LNPEP: variants seen among roughly 807,000 people sequenced by gnomAD.
The protein encoded by LNPEP is leucyl and cystinyl aminopeptidase.
LNPEP carries 64 observed loss-of-function variants against 120.6 expected under a neutral mutation model. That is an observed-to-expected ratio of 0.53 (90% CI 0.43 to 0.65). LNPEP has a LOEUF of 0.65. Ranked by LOEUF, LNPEP falls within the 30% of genes least tolerant of loss-of-function variation. LNPEP has a pLI of 0.00. For synonymous variants in LNPEP, 435 were observed against 425.4 expected (o/e 1.02, Z -0.28); for missense variants, 1,057 against 1,200.0 (o/e 0.88, Z 1.76).
At chr5:96,950,183 C>G (rs1455214253) in intron 1 of LNPEP, among the ~76,000 whole-genome samples, 1 of 152,178 alleles carries the variant, frequency 6.6e-6, no homozygotes, top group Non-Finnish European at 1.5e-5. Flanking sequence ...GAAGGAGTCT[C>G]TTACTCTGAA....
chr5:96,978,567 A>G (rs182216175), intron 1 of LNPEP, among the ~76,000 whole-genome samples: 194 of 152,312 alleles, frequency 1.3e-3, no homozygotes, highest in African/African-American at 4.4e-3. Context: ...GCCATACTCA[A>G]TCTTAGAAAT....
At chr5:96,990,757 AT>A (rs1415113025) in intron 4 of LNPEP, among the ~76,000 whole-genome samples, 3 of 152,082 alleles carry the variant, frequency 2.0e-5, no homozygotes, top group African/African-American at 7.2e-5. Context: ...TATATATTTC[AT>A]TTTTTGTTCA....
intron 4 of LNPEP, among the ~76,000 whole-genome samples, 165 bp downstream of exon 4, chr5:96,986,835 T>C (rs866314881): frequency 7.9e-5 from 12 of 152,214 alleles, no homozygotes; most frequent in African/African-American, 2.4e-4. Context: ...TGTTATTTAC[T>C]GTTACTAGTT....
chr5:96,943,750 A>G (rs756464841), intron 1 of LNPEP, among the ~76,000 whole-genome samples: 13 of 152,230 alleles, frequency 8.5e-5, no homozygotes, highest in African/African-American at 2.4e-5. Context: ...CTTCCAAGGG[A>G]GTTTCAAAAA....
chr5:97,022,208 C>T (rs1196828884), intron 13 of LNPEP, 92 bp from the exon 14 acceptor site: 1 of 782,116 alleles, frequency 1.3e-6, no homozygotes, highest in African/African-American at 1.8e-5. Flanking sequence ...GGATTACAGG[C>T]ACGAGACACT....
chr5:96,991,902 G>A (rs1352118172), intron 4 of LNPEP, among the ~76,000 whole-genome samples: 1 of 152,100 alleles, frequency 6.6e-6, no homozygotes, highest in East Asian at 1.9e-4. Context: ...TCCAAATTAT[G>A]AATTGTTCAA....
At chr5:96,955,523 G>A (rs1238142253) in intron 1 of LNPEP, among the ~76,000 whole-genome samples, 1 of 152,176 alleles carries the variant, frequency 6.6e-6, no homozygotes. Flanking sequence ...GCTGAGTCAG[G>A]AGAATCACTT....
intron 1 of LNPEP, chr5:96,937,483 G>T (rs1046396): frequency 1.3e-5 from 2 of 151,658 alleles, no homozygotes; most frequent in Non-Finnish European, 2.9e-5. Context: ...GAAGTTACTC[G>T]AAGAATTAAG....
chr5:96,994,082 C>A, intron 6 of LNPEP, 111 bp downstream of exon 6: 1 of 821,258 alleles, frequency 1.2e-6, no homozygotes. Flanking sequence ...GCATTGCCTT[C>A]TTTTATAATA....
rs75552624 is a variant in LNPEP, at chr5:96,992,578, C to T, written c.1132-437C>T. Among the ~76,000 whole-genome samples, 1,385 of 152,134 alleles carry T rather than the reference C, an allele frequency of 9.1e-3. 29 individuals are homozygous for T. The highest frequency in any genetic ancestry group is 0.067 in the East Asian group (347 of 5,184). ...TTGAGTGCCTGCTAGATGCCAGGCA[C>T]GGTGAGGTCCTGAAAGGATGAAAAT... On this transcript the variant is annotated intron_variant, in intron 4 of 17. Coordinates refer to ENST00000231368, the MANE Select transcript of LNPEP (RefSeq NM_005575.3).
chr5:97,012,000 G>A (rs1305100384), intron 11 of LNPEP, among the ~76,000 whole-genome samples: 2 of 152,068 alleles, frequency 1.3e-5, no homozygotes, highest in African/African-American at 4.8e-5. Flanking sequence ...TAGTACCTAA[G>A]CTAAGGCTTC....
At position 96,978,497 on chromosome 5, in the gene LNPEP, T is replaced by C. The variant is rs934118252; in HGVS notation, c.20-641T>C. Reference sequence around the variant, plus strand: ...TCCCATATAATTTGCTGCTTCCCATTTGCTGTGGGACAGAAACATTCCTCT... The same window carrying C: ...TCCCATATAATTTGCTGCTTCCCATCTGCTGTGGGACAGAAACATTCCTCT... On this transcript the variant is annotated intron_variant, in intron 1 of 17. Coordinates refer to ENST00000231368, the MANE Select transcript of LNPEP (RefSeq NM_005575.3). Among the ~76,000 whole-genome samples the C allele has an allele frequency of 2.0e-5, 3 of 152,256 alleles. No homozygotes were observed. The East Asian group carries it at 5.8e-4, about 29-fold the overall frequency.
chr5:96,980,717 C>T (rs1011936313), intron 2 of LNPEP, among the ~76,000 whole-genome samples: 6 of 152,166 alleles, frequency 3.9e-5, no homozygotes, highest in Non-Finnish European at 8.8e-5. Flanking sequence ...ATCCTCACGA[C>T]ATCTGCTTTA....
At chr5:97,023,477 C>G (rs560372117) in intron 14 of LNPEP, among the ~76,000 whole-genome samples, 1 of 152,254 alleles carries the variant, frequency 6.6e-6, no homozygotes. Context: ...TGGTCTTGAA[C>G]TCCTGACCTC....
At chr5:96,984,896 T>C (rs1428285394) in intron 2 of LNPEP, among the ~76,000 whole-genome samples, 184 bp from the exon 3 acceptor site, 1 of 152,248 alleles carries the variant, frequency 6.6e-6, no homozygotes, top group East Asian at 1.9e-4. Context: ...TTTATTTTCA[T>C]TGTTAGGACA....
intron 1 of LNPEP, among the ~76,000 whole-genome samples, chr5:96,965,341 A>T (rs985468627): frequency 1.3e-5 from 2 of 151,688 alleles, no homozygotes; most frequent in Non-Finnish European, 2.9e-5. Flanking sequence ...AAAAAAGTAG[A>T]TTGAGAATGC....
At chr5:97,005,825 C>T (rs957523239) in intron 9 of LNPEP, among the ~76,000 whole-genome samples, 5 of 152,044 alleles carry the variant, frequency 3.3e-5, no homozygotes, top group African/African-American at 7.2e-5. Flanking sequence ...CAACCTAGTG[C>T]CTCCCTCACT....
At chr5:97,015,735 A>G (rs1202973790) in intron 13 of LNPEP, among the ~76,000 whole-genome samples, 1 of 152,096 alleles carries the variant, frequency 6.6e-6, no homozygotes, top group Non-Finnish European at 1.5e-5. Context: ...GCATTTTGAC[A>G]ACAGAGTTTG....
intron 13 of LNPEP, among the ~76,000 whole-genome samples, chr5:97,021,242 C>CAA (rs1611102): frequency 0.63 from 95,446 of 151,798 alleles, 30,144 homozygotes; most frequent in Middle Eastern, 0.73. Flanking sequence ...ACAAGAAAAA[C>CAA]ATGTGTGCGT....
Sources: gnomAD v4.1 joint callset for allele counts (sites outside exome capture counted in the v4.1 genomes callset) on GRCh38, gnomAD v4.1.1 for gene constraint, MANE v1.5 for transcripts, NCBI Gene and HGNC (gene_info 2026-07-23, HGNC 2026-07-21) for gene names.